Variants in IRF4 observed in about 807,000 individuals in gnomAD.
IRF4 encodes the protein interferon regulatory factor 4.
Under a neutral mutation model 55.5 loss-of-function variants are expected in IRF4, and 13 were observed. The ratio of observed to expected loss-of-function variants is 0.23; its 90% CI spans 0.15 to 0.37. The LOEUF is 0.37. IRF4 is among the 10% of genes least tolerant of loss of function. The probability of loss-of-function intolerance (pLI) is 1.00; values close to 1 mark genes in which losing one functional copy is unlikely to be tolerated. For missense variants in IRF4, 397 were observed against 593.8 expected, an observed-to-expected ratio of 0.67 and a Z score of 3.44; for synonymous variants, 249 against 240.7, an observed-to-expected ratio of 1.03 and a Z score of -0.32.
chr6:405,243 A>C, intron 8 of IRF4, 113 bp downstream of exon 8: 2 of 672,306 alleles, frequency 3.0e-6, no homozygotes, highest in Non-Finnish European at 5.2e-6. Flanking sequence ...CTGGAAAAAT[A>C]AGCGTAACCC....
intron 6 of IRF4, among the ~76,000 whole-genome samples, chr6:400,997 G>C (rs189737889): frequency 1.3e-5 from 2 of 150,162 alleles, no homozygotes; most frequent in East Asian, 3.9e-4. Context: ...AGTGACACAT[G>C]ACTTAAATGA....
intron 6 of IRF4, among the ~76,000 whole-genome samples, chr6:399,866 G>A (rs978149892): frequency 6.6e-6 from 1 of 152,186 alleles, no homozygotes; most frequent in Admixed American, 6.5e-5. Context: ...GAGTAACTGA[G>A]GATGCCCTTT....
rs1282325949 is a variant in IRF4, at chr6:411,228, A to T, written c.*3630A>T. 4.4e-6 allele frequency: 1 copy of T among 229,662 alleles called. No homozygotes were observed. Among genetic ancestry groups the T allele is most frequent in the African/African-American group, 2.2e-5 (1 of 45,084 alleles). 14.2% of individuals were successfully genotyped at this position (229,662 alleles called of 1,614,324 possible). On this transcript the variant is annotated 3_prime_UTR_variant, in exon 9 of 9. Coordinates refer to ENST00000380956, the MANE Select transcript of IRF4 (RefSeq NM_002460.4). ...GCTGAAAGAACTGCCAGCAGGTAGGACCCCAGAGGCCCCCAAATGAAAGCT... is the reference window on the plus strand; with the variant it reads ...GCTGAAAGAACTGCCAGCAGGTAGGTCCCCAGAGGCCCCCAAATGAAAGCT...
intron 3 of IRF4, 57 bp from the exon 4 acceptor site, chr6:395,790 A>T: frequency 8.1e-7 from 1 of 1,240,954 alleles, no homozygotes; most frequent in Non-Finnish European, 1.2e-6. Flanking sequence ...TTTGACATTT[A>T]GTTAGGTCAG....
Position 393,875 on chromosome 6 carries a change from C to G in IRF4, c.216+507C>G, listed in dbSNP as rs143883685. Among the ~76,000 whole-genome samples the G allele has an allele frequency of 6.6e-6, 1 of 152,316 alleles. No individual in the cohort carries two copies. Among genetic ancestry groups the G allele is most frequent in the African/African-American group, 2.4e-5 (1 of 41,572 alleles). On this transcript the variant is annotated intron_variant, in intron 2 of 8. Coordinates refer to ENST00000380956, the MANE Select transcript of IRF4 (RefSeq NM_002460.4). This position sits in a 1 kb window ranked among gnomAD's most constrained non-coding sequence, Gnocchi z 5.4. ...CATGTTTTTCCTGAGGTCAGCCTCTCTTCTCGCTCCTGCTAGCTCTCTGCG... is the reference window on the plus strand; with the variant it reads ...CATGTTTTTCCTGAGGTCAGCCTCTGTTCTCGCTCCTGCTAGCTCTCTGCG...
At chr6:396,214 T>A (rs1323096418) in intron 4 of IRF4, 2 of 468,018 alleles carry the variant, frequency 4.3e-6, no homozygotes, top group Non-Finnish European at 3.8e-6. Context: ...GTGGAAGATT[T>A]TGGAAGTAGT....
chr6:395,785 CATTT>C (rs1761234356), intron 3 of IRF4, 58 bp from the exon 4 acceptor site: 1 of 1,202,522 alleles, frequency 8.3e-7, no homozygotes, highest in Non-Finnish European at 1.2e-6. Context: ...CAAGATTTGA[CATTT>C]AGTTAGGTCA....
intron 4 of IRF4, among the ~76,000 whole-genome samples, chr6:396,373 T>C (rs1761259346): frequency 6.6e-6 from 1 of 152,234 alleles, no homozygotes; most frequent in East Asian, 1.9e-4. Context: ...GACGAAGCTT[T>C]ACATAAAACA....
rs759268431 is a variant in IRF4, at chr6:401,497, C to T, written c.819C>T (p.Gly273=). 3.0e-5 allele frequency: 48 copies of T among 1,613,878 alleles called. No individual in the cohort carries two copies. In the Admixed American group the frequency reaches 7.8e-4, roughly 26 times the overall value. The change falls in exon 7 of 9, where the codon GGC becomes GGT. Residue 273 remains glycine, a synonymous_variant. Coordinates refer to ENST00000380956, the MANE Select transcript of IRF4 (RefSeq NM_002460.4). Reference sequence around the variant, plus strand: ...AGCTGACCACGTCCAGCCCCGAGGGCTGCCGGATCTCCCATGGACATACGT... The same window carrying T: ...AGCTGACCACGTCCAGCCCCGAGGGTTGCCGGATCTCCCATGGACATACGT... ...VKELTTSSPE[G]CRISHGHTYD... is the part of the protein sequence containing the mutation.
chr6:399,805 G>A (rs1261535398), intron 6 of IRF4, among the ~76,000 whole-genome samples: 1 of 152,178 alleles, frequency 6.6e-6, no homozygotes, highest in Non-Finnish European at 1.5e-5. Context: ...TGACCTACCA[G>A]CTCTTTCTAG....
Position 395,943 on chromosome 6 carries a change from G to A in IRF4, c.492+8G>A, listed in dbSNP as rs1330293669. On this transcript the variant is annotated splice_region_variant and intron_variant, in intron 4 of 8. Coordinates refer to ENST00000380956, the MANE Select transcript of IRF4 (RefSeq NM_002460.4). The stretch of plus-strand genomic sequence containing the variant: ...CCTTCGCTCCCAGCCCAGGTATGGT[G>A]GAGGGCACTGGGCTCCCTGAGGGCG... 5.6e-6 allele frequency: 9 copies of A among 1,607,552 alleles called. No homozygotes were observed. In the East Asian group the frequency reaches 1.8e-4, roughly 32 times the overall value.
chr6:402,198 C>T (rs762653259), intron 7 of IRF4, among the ~76,000 whole-genome samples: 8 of 152,138 alleles, frequency 5.3e-5, no homozygotes, highest in African/African-American at 1.2e-4. Context: ...ACGAGTGAGA[C>T]GGAGGGTGGA....
intron 5 of IRF4, 107 bp from the exon 6 acceptor site, chr6:398,720 TG>T (rs1761327824): frequency 2.9e-6 from 2 of 684,514 alleles, no homozygotes; most frequent in Non-Finnish European, 4.8e-6. Context: ...GGAAGGTGAT[TG>T]GGCGCCAGCC....
chr6:397,852 A>G (rs1456117960), intron 5 of IRF4, among the ~76,000 whole-genome samples: 3 of 152,190 alleles, frequency 2.0e-5, no homozygotes, highest in Non-Finnish European at 4.4e-5. Context: ...GAATCTAGCA[A>G]TGCGGTAACT....
rs547575759 is a variant in IRF4, at chr6:392,031, C to G, written c.-56+222C>G. ...CCCGCCTCCTTGGCTCTGCCCGAGCCTCCCCGCCTGCCCTCCGCGCTCCTG... is the reference window on the plus strand; with the variant it reads ...CCCGCCTCCTTGGCTCTGCCCGAGCGTCCCCGCCTGCCCTCCGCGCTCCTG... On this transcript the variant is annotated intron_variant, in intron 1 of 8. Transcript: ENST00000380956. The G allele has an allele frequency of 4.4e-4, 152 of 349,412 alleles. No homozygotes were observed. The East Asian group carries it at 8.9e-3, about 21-fold the overall frequency. The allele number at this position is 349,412 out of a possible 1,614,324, so 21.6% of individuals were successfully genotyped here. A position where few individuals can be genotyped will look rare whatever the true frequency, so the allele number is the denominator to read the frequency against.
chr6:407,689 A>T lies in IRF4; in HGVS notation c.*91A>T. 1.8e-5 allele frequency: 21 copies of T among 1,191,130 alleles called. No individual in the cohort carries two copies. Among genetic ancestry groups the T allele is most frequent in the Non-Finnish European group, 4.6e-6 (4 of 862,992 alleles). 73.8% of individuals were successfully genotyped at this position (1,191,130 alleles called of 1,614,324 possible). On this transcript the variant is annotated 3_prime_UTR_variant, in exon 9 of 9. Coordinates refer to ENST00000380956, the MANE Select transcript of IRF4 (RefSeq NM_002460.4). ...GGTCTTGCTCTGTCTCCCAGGCTGG[A>T]GTGCAGTGACACAATCTCAGCTCAC...
chr6:408,313 G>T lies in IRF4; in HGVS notation c.*715G>T. The T allele has an allele frequency of 4.3e-6, 1 of 231,976 alleles. No individual in the cohort carries two copies. The highest frequency in any genetic ancestry group is 8.5e-6 in the Non-Finnish European group (1 of 117,106). The allele number at this position is 231,976 out of a possible 1,614,324, so 14.4% of individuals were successfully genotyped here. A position where few individuals can be genotyped will look rare whatever the true frequency, so the allele number is the denominator to read the frequency against. ...TGAAGGAAATGAATCTTTGACTGAA[G>T]CCGTGCCTGTAGCCTTGGGGAGGCC... On this transcript the variant is annotated 3_prime_UTR_variant, in exon 9 of 9. Coordinates refer to ENST00000380956, the MANE Select transcript of IRF4 (RefSeq NM_002460.4).
Position 393,263 on chromosome 6 carries a change from C to T in IRF4, c.111C>T (p.Tyr37=), listed in dbSNP as rs1383638158. 2 of 1,595,592 alleles carry T rather than the reference C, an allele frequency of 1.3e-6. No homozygotes were observed. Among genetic ancestry groups the T allele is most frequent in the Non-Finnish European group, 1.7e-6 (2 of 1,171,268 alleles). Residue 37 remains tyrosine, a synonymous_variant, in exon 2 of 9, where the codon TAC becomes TAT. Transcript: ENST00000380956. The surrounding 1 kb of genome is among the most constrained non-coding windows in gnomAD (Gnocchi z 5.4). The part of the protein sequence containing the change: ...WLIDQIDSGK[Y]PGLVWENEEK... ...TCGACCAGATCGACAGCGGCAAGTA[C>T]CCCGGGCTGGTGTGGGAGAACGAGG... is the stretch of plus-strand genomic sequence containing the variant.
At chr6:398,765 G>A in intron 5 of IRF4, 63 bp from the exon 6 acceptor site, 2 of 1,224,814 alleles carry the variant, frequency 1.6e-6, no homozygotes, top group Non-Finnish European at 2.3e-6. Flanking sequence ...CACACCCCAG[G>A]AAGCCCCGCG....
Sources: allele counts gnomAD v4.1 joint callset (sites outside exome capture counted in the v4.1 genomes callset), GRCh38; gene constraint gnomAD v4.1.1; non-coding constraint Gnocchi (gnomAD v3.1); transcripts MANE v1.5; gene names NCBI Gene and HGNC (gene_info 2026-07-23, HGNC 2026-07-21).